PINX1: variants seen among roughly 807,000 people sequenced by gnomAD.
The protein encoded by PINX1 is PIN2/TERF1-interacting telomerase inhibitor 1.
PINX1 carries 34 observed loss-of-function variants against 25.4 expected under a neutral mutation model. That is an observed-to-expected ratio of 1.34 (90% CI 1.02 to 1.78). The LOEUF (loss-of-function observed/expected upper bound fraction) is 1.78. Among genes scored for constraint, PINX1 ranks in the 40% most tolerant of loss-of-function variants. The probability of loss-of-function intolerance (pLI) is 0.00; values close to 1 mark genes in which losing one functional copy is unlikely to be tolerated. For synonymous variants in PINX1, 197 were observed against 147.7 expected (o/e 1.33, Z -2.42); for missense variants, 592 against 404.9 (o/e 1.46, Z -3.97).
chr8:10,828,894 C>T (rs564854457), intron 4 of PINX1, among the ~76,000 whole-genome samples: 11 of 152,284 alleles, frequency 7.2e-5, no homozygotes, highest in East Asian at 5.8e-4. Flanking sequence ...CACACCCCTA[C>T]GCTAACCCAG....
At chr8:10,816,225 C>G (rs1178513050) in intron 6 of PINX1, among the ~76,000 whole-genome samples, 1 of 152,164 alleles carries the variant, frequency 6.6e-6, no homozygotes, top group Non-Finnish European at 1.5e-5. Context: ...ATGCCAATTT[C>G]CTGGTTTCAT....
At chr8:10,829,227 G>A (rs938241836) in intron 4 of PINX1, among the ~76,000 whole-genome samples, 17 of 144,600 alleles carry the variant, frequency 1.2e-4, no homozygotes, top group Admixed American at 2.1e-4. Flanking sequence ...CGGAGGTTGC[G>A]GTAAGCCAAG....
At chr8:10,789,752 G>A (rs540900577) in intron 6 of PINX1, among the ~76,000 whole-genome samples, 2 of 152,190 alleles carry the variant, frequency 1.3e-5, no homozygotes, top group South Asian at 4.2e-4. Flanking sequence ...CCCTGCTTTT[G>A]AGACAGACAG....
chr8:10,765,175 AATTT>A lies in PINX1; in HGVS notation c.*222_*225del. ...CTGAAGGGCTCAGAGTTTACAAAAAAATTTATTTGTGTCTGAGAGCCACGATTGA... is the reference window on the plus strand; with the variant it reads ...CTGAAGGGCTCAGAGTTTACAAAAAAATTTGTGTCTGAGAGCCACGATTGA... On this transcript the variant is annotated 3_prime_UTR_variant, in exon 7 of 7. Coordinates refer to ENST00000314787, the MANE Select transcript of PINX1 (RefSeq NM_017884.6). 1.9e-6 allele frequency: 1 copy of A among 522,014 alleles called. No individual in the cohort carries two copies. The highest frequency in any genetic ancestry group is 3.3e-6 in the Non-Finnish European group (1 of 298,576). 32.3% of individuals were successfully genotyped at this position (522,014 alleles called of 1,614,324 possible).
chr8:10,800,435 A>C (rs1802230135), intron 6 of PINX1, among the ~76,000 whole-genome samples: 1 of 151,916 alleles, frequency 6.6e-6, no homozygotes, highest in African/African-American at 2.4e-5. Flanking sequence ...AAACAATAGA[A>C]TGGAGTTTAT....
rs768430884 is a variant in PINX1 at position 10,825,463 on chromosome 8, G to T, written c.394+689C>A. 4 of 534,710 alleles carry T rather than the reference G, an allele frequency of 7.5e-6. No homozygotes were observed. The East Asian group carries it at 2.2e-4, about 29-fold the overall frequency. 33.1% of individuals were successfully genotyped at this position (534,710 alleles called of 1,614,324 possible). ...GATACTGTTCTACAGACAAACTGGG[G>T]AGTTGGTTCTATTAGGTTAAATTGC... On this transcript the variant is annotated intron_variant, in intron 5 of 6. Coordinates refer to ENST00000314787, the MANE Select transcript of PINX1 (RefSeq NM_017884.6).
At chr8:10,788,480 G>C (rs1242076006) in intron 6 of PINX1, among the ~76,000 whole-genome samples, 1 of 152,010 alleles carries the variant, frequency 6.6e-6, no homozygotes, top group African/African-American at 2.4e-5. Flanking sequence ...CAAGAGAATC[G>C]CTTGAAACCG....
At position 10,812,579 on chromosome 8, in the gene PINX1, T is replaced by C. The variant is rs550205649; in HGVS notation, c.471+7614A>G. On this transcript the variant is annotated intron_variant, in intron 6 of 6. Transcript: ENST00000314787. The stretch of plus-strand genomic sequence containing the variant: ...GAATTTCATCAGTCAGTGCTAGTTC[T>C]TCCTTTGTCCAAACTGTCACCCTGA... Among the ~76,000 whole-genome samples the C allele has an allele frequency of 5.3e-5, 8 of 152,336 alleles. No homozygotes were observed. The South Asian group carries it at 1.7e-3, about 32-fold the overall frequency.
At chr8:10,831,159 G>C (rs1450491530) in intron 4 of PINX1, among the ~76,000 whole-genome samples, 1 of 152,210 alleles carries the variant, frequency 6.6e-6, no homozygotes, top group African/African-American at 2.4e-5. Context: ...GGTTGAGTTT[G>C]GAGGACATTA....
chr8:10,820,686 A>AC (rs1179082825), intron 5 of PINX1, among the ~76,000 whole-genome samples: 11 of 152,238 alleles, frequency 7.2e-5, no homozygotes, highest in Admixed American at 6.5e-4. Context: ...CACATGAAAA[A>AC]ATATCACTAG....
chr8:10,839,855 C>T lies in PINX1; in HGVS notation c.-99G>A. ...AGAATCAGGACGTGCGTAACTCCCT[C>T]GCCGGCGGACTGCAGCGGACGGGGC... On this transcript the variant is annotated 5_prime_UTR_variant, in exon 1 of 7. Coordinates refer to ENST00000314787, the MANE Select transcript of PINX1 (RefSeq NM_017884.6). The T allele has an allele frequency of 8.4e-7, 1 of 1,185,566 alleles. No homozygotes were observed. The highest frequency in any genetic ancestry group is 1.6e-5 in the African/African-American group (1 of 64,406). The allele number at this position is 1,185,566 out of a possible 1,614,324, so 73.4% of individuals were successfully genotyped here. A position where few individuals can be genotyped will look rare whatever the true frequency, so the allele number is the denominator to read the frequency against.
chr8:10,838,601 T>C (rs1002101328), intron 1 of PINX1, among the ~76,000 whole-genome samples: 7 of 152,224 alleles, frequency 4.6e-5, no homozygotes, highest in African/African-American at 1.7e-4. Flanking sequence ...CATGCTGAAT[T>C]AAGCAAACAT....
rs555121548 is a variant in PINX1, at chr8:10,807,316, A to T, written c.471+12877T>A. Among the ~76,000 whole-genome samples the T allele has an allele frequency of 2.7e-3, 148 of 54,008 alleles. 2 individuals carry two copies. The highest frequency in any genetic ancestry group is 9.3e-3 in the African/African-American group (146 of 15,778). The allele number at this position is 54,008 out of a possible 152,430, so 35.4% of individuals were successfully genotyped here. On this transcript the variant is annotated intron_variant, in intron 6 of 6. Coordinates refer to ENST00000314787, the MANE Select transcript of PINX1 (RefSeq NM_017884.6). ...AGGTTGGAAAATAAAAATCAAGAAA[A>T]TCCCCCCCCCACCCCCCCCCCCACC... is the stretch of plus-strand genomic sequence containing the variant.
intron 5 of PINX1, 59 bp downstream of exon 5, chr8:10,826,093 A>C: frequency 2.2e-6 from 2 of 926,370 alleles, no homozygotes; most frequent in East Asian, 5.0e-5. Flanking sequence ...AAAATGCTTC[A>C]AGCAACTCAG....
chr8:10,831,505 T>A (rs188115842), intron 4 of PINX1, among the ~76,000 whole-genome samples, 160 bp downstream of exon 4: 3 of 152,354 alleles, frequency 2.0e-5, no homozygotes, highest in African/African-American at 7.2e-5. Context: ...TTGATGAACA[T>A]AACACATGTG....
chr8:10,819,847 C>A (rs1176915206), intron 6 of PINX1, among the ~76,000 whole-genome samples: 2 of 152,158 alleles, frequency 1.3e-5, no homozygotes, highest in African/African-American at 4.8e-5. Context: ...TTGAGCAGAA[C>A]AGACAAAATC....
intron 6 of PINX1, among the ~76,000 whole-genome samples, chr8:10,767,621 T>G (rs986224997): frequency 6.6e-6 from 1 of 152,260 alleles, no homozygotes; most frequent in Non-Finnish European, 1.5e-5. Context: ...GCTGAAATGC[T>G]GCACAGCAGA....
intron 5 of PINX1, chr8:10,825,466 T>G (rs774008308): frequency 3.7e-6 from 2 of 534,338 alleles, no homozygotes; most frequent in Non-Finnish European, 3.8e-6. Context: ...AACTGGGGAG[T>G]TGGTTCTATT....
Position 10,826,196 on chromosome 8 carries a change from G to C in PINX1, c.350C>G (p.Ser117Cys). The change falls in exon 5 of 7, where the codon TCC becomes TGC. Residue 117 changes from serine (S) to cysteine (C), a missense_variant. Coordinates refer to ENST00000314787, the MANE Select transcript of PINX1 (RefSeq NM_017884.6). ...GTGAACACGGTTTTTGGAGATTTTGGACTTTTCCTCAAGGCTAAAAGATTT... is the reference window on the plus strand; with the variant it reads ...GTGAACACGGTTTTTGGAGATTTTGCACTTTTCCTCAAGGCTAAAAGATTT... ...EKKSFSLEEKSKISKNRVHYM... is the reference protein window; with the variant it reads ...EKKSFSLEEKCKISKNRVHYM... The C allele has an allele frequency of 6.3e-7, 1 of 1,597,980 alleles. No individual in the cohort carries two copies. Among genetic ancestry groups the C allele is most frequent in the Non-Finnish European group, 8.6e-7 (1 of 1,168,708 alleles).
Sources: gnomAD v4.1 joint callset for allele counts (sites outside exome capture counted in the v4.1 genomes callset) on GRCh38, gnomAD v4.1.1 for gene constraint, MANE v1.5 for transcripts, NCBI Gene and HGNC (gene_info 2026-07-23, HGNC 2026-07-21) for gene names.